Variants in SDK1 observed in about 807,000 individuals in gnomAD.
The protein encoded by SDK1 is protein sidekick-1.
Under a neutral mutation model 245.5 loss-of-function variants are expected in SDK1, and 157 were observed. The ratio of observed to expected loss-of-function variants is 0.64; its 90% CI spans 0.56 to 0.73. The LOEUF (loss-of-function observed/expected upper bound fraction) is 0.73, where lower values mean the gene tolerates loss of function less well. SDK1 is among the 30% of genes least tolerant of loss of function. SDK1 has a pLI of 0.00. For synonymous variants in SDK1, 1,647 were observed against 1,278.5 expected (o/e 1.29, Z -6.15); for missense variants, 3,583 against 3,002.3 (o/e 1.19, Z -4.52).
intron 1 of SDK1, among the ~76,000 whole-genome samples, chr7:3,608,702 A>T (rs1304566936): frequency 6.6e-6 from 1 of 152,256 alleles, no homozygotes; most frequent in African/African-American, 2.4e-5. Flanking sequence ...AGACATGTGT[A>T]TGGATAAGAT....
At chr7:3,973,222 A>G (rs1583685494) in intron 12 of SDK1, among the ~76,000 whole-genome samples, 1 of 152,308 alleles carries the variant, frequency 6.6e-6, no homozygotes, top group African/African-American at 2.4e-5. Flanking sequence ...TGAGCAGTCT[A>G]TCCATCTCCC....
At chr7:3,382,168 C>G (rs1037485941) in intron 1 of SDK1, among the ~76,000 whole-genome samples, 1 of 151,434 alleles carries the variant, frequency 6.6e-6, no homozygotes, top group African/African-American at 2.4e-5. Flanking sequence ...ACAGGGTCTA[C>G]CTTTGTTTCC....
chr7:3,339,150 A>C (rs1217521021), intron 1 of SDK1, among the ~76,000 whole-genome samples: 1 of 150,508 alleles, frequency 6.6e-6, no homozygotes, highest in African/African-American at 2.5e-5. Flanking sequence ...AAGAGTGGCC[A>C]TATTAACATT....
At chr7:4,157,489 G>A (rs376575389) in intron 30 of SDK1, among the ~76,000 whole-genome samples, 6 of 144,628 alleles carry the variant, frequency 4.1e-5, no homozygotes, top group East Asian at 4.1e-4. Flanking sequence ...AAGGAAGGGA[G>A]GAAGAGGGGA....
rs543711278 is a variant in SDK1 at position 3,602,498 on chromosome 7, G to C, written c.299-16582G>C. ...TCTTTTGAGACGTGTCTGTTCATAT[G>C]CTTCGCCCACTTTTTGATGGGGTTG... On this transcript the variant is annotated intron_variant, in intron 1 of 44. Transcript: ENST00000404826. 4.1e-3 allele frequency among the ~76,000 whole-genome samples: 622 copies of C among 152,160 alleles called. 4 individuals are homozygous for C. Among genetic ancestry groups the C allele is most frequent in the Middle Eastern group, 0.014 (4 of 294 alleles).
intron 1 of SDK1, among the ~76,000 whole-genome samples, chr7:3,594,012 C>T (rs1462572059): frequency 6.6e-6 from 1 of 152,128 alleles, no homozygotes; most frequent in Non-Finnish European, 1.5e-5. Context: ...TGATTTTTAA[C>T]ATGTTTAGGG....
At chr7:3,866,594 C>T (rs1260853016) in intron 5 of SDK1, among the ~76,000 whole-genome samples, 2 of 152,166 alleles carry the variant, frequency 1.3e-5, no homozygotes, top group Non-Finnish European at 2.9e-5. Flanking sequence ...ACAGTGCATG[C>T]ACGCACTAGT....
At chr7:3,339,529 A>G (rs1188050048) in intron 1 of SDK1, among the ~76,000 whole-genome samples, 2 of 152,152 alleles carry the variant, frequency 1.3e-5, no homozygotes, top group Non-Finnish European at 2.9e-5. Flanking sequence ...ATTCTGGGCT[A>G]TAAAATAAAA....
In SDK1 at chr7:4,127,460, G is replaced by C. The variant is rs13232108; in HGVS notation, c.3903G>C (p.Pro1301=). Residue 1301 remains proline (P), a synonymous_variant, in exon 26 of 45, where the codon CCG becomes CCC. Coordinates refer to ENST00000404826, the MANE Select transcript of SDK1 (RefSeq NM_152744.4). ...TTTTACTGACATGGACATCCGTGCC[G>C]GAACAGGACCAGAATGGGCTCATAC... is the stretch of plus-strand genomic sequence containing the variant. ...TQILLTWTSV[P]EQDQNGLILG... The C allele has an allele frequency of 1.2e-6, 2 of 1,614,128 alleles. No homozygotes were observed. Among genetic ancestry groups the C allele is most frequent in the East Asian group, 2.2e-5 (1 of 44,882 alleles).
intron 19 of SDK1, among the ~76,000 whole-genome samples, chr7:4,058,964 G>A (rs1779372428): frequency 6.6e-6 from 1 of 152,074 alleles, no homozygotes. Context: ...GGACCCAAAT[G>A]TTACCACTAC....
rs550094752 is a variant in SDK1, at chr7:3,423,476, A to AT, written c.298+121599dup. Among the ~76,000 whole-genome samples the AT allele has an allele frequency of 1.7e-4, 26 of 152,046 alleles. No homozygotes were observed. The East Asian group carries it at 2.1e-3, about 12-fold the overall frequency. On this transcript the variant is annotated intron_variant, in intron 1 of 44. Coordinates refer to ENST00000404826, the MANE Select transcript of SDK1 (RefSeq NM_152744.4). The stretch of plus-strand genomic sequence containing the variant: ...AGATTTCTATGCTTTTATAAGATAG[A>AT]TTTTTTTGGGGGCAGTGAGAATATA...
chr7:3,639,890 C>G (rs116363546), intron 3 of SDK1, among the ~76,000 whole-genome samples: 5 of 152,080 alleles, frequency 3.3e-5, no homozygotes, highest in South Asian at 2.1e-4. Flanking sequence ...ATCTCTGTCT[C>G]TCAGGCTGGA....
At chr7:3,486,511 C>G (rs983633803) in intron 1 of SDK1, among the ~76,000 whole-genome samples, 3 of 152,006 alleles carry the variant, frequency 2.0e-5, no homozygotes, top group African/African-American at 7.2e-5. Context: ...TATTTTCAAT[C>G]TCTTGTGTTT....
At chr7:4,050,185 A>T (rs1023984048) in intron 18 of SDK1, among the ~76,000 whole-genome samples, 2 of 152,198 alleles carry the variant, frequency 1.3e-5, no homozygotes, top group African/African-American at 2.4e-5. Flanking sequence ...GATTCCATCT[A>T]GTTTCCTCAA....
intron 4 of SDK1, among the ~76,000 whole-genome samples, chr7:3,683,698 T>C (rs1392377778): frequency 6.6e-6 from 1 of 152,202 alleles, no homozygotes; most frequent in Non-Finnish European, 1.5e-5. Flanking sequence ...CCTGGGGACC[T>C]TGGGACTTGA....
At chr7:3,606,101 A>G (rs972228413) in intron 1 of SDK1, among the ~76,000 whole-genome samples, 2 of 152,190 alleles carry the variant, frequency 1.3e-5, no homozygotes, top group Non-Finnish European at 2.9e-5. Context: ...TCCTAAGTTC[A>G]ACACTGAGCT....
At chr7:3,465,547 A>C (rs1404472431) in intron 1 of SDK1, among the ~76,000 whole-genome samples, 6 of 152,110 alleles carry the variant, frequency 3.9e-5, no homozygotes, top group Non-Finnish European at 7.3e-5. Context: ...ATGGCTTTGC[A>C]CTGCTCTCAT....
At chr7:3,550,892 C>A (rs528166711) in intron 1 of SDK1, among the ~76,000 whole-genome samples, 1 of 152,054 alleles carries the variant, frequency 6.6e-6, no homozygotes, top group Non-Finnish European at 1.5e-5. Context: ...TGCTGTGGAG[C>A]CTAGTTGAAA....
At chr7:3,695,610 T>G (rs1023979203) in intron 4 of SDK1, among the ~76,000 whole-genome samples, 2 of 152,224 alleles carry the variant, frequency 1.3e-5, no homozygotes, top group African/African-American at 4.8e-5. Flanking sequence ...TACTTTGATA[T>G]GAATATCCTT....
Sources: gnomAD v4.1 joint callset for allele counts (sites outside exome capture counted in the v4.1 genomes callset) on GRCh38, gnomAD v4.1.1 for gene constraint, MANE v1.5 for transcripts, NCBI Gene and HGNC (gene_info 2026-07-23, HGNC 2026-07-21) for gene names.